TMEM132C: variants seen among roughly 807,000 people sequenced by gnomAD.
TMEM132C encodes the protein transmembrane protein 132C, also known as protein phosphatase 1, regulatory subunit 152.
In TMEM132C, 29 loss-of-function variants were observed where a neutral mutation model predicts 61.4. The ratio of observed to expected loss-of-function variants is 0.47; its 90% CI spans 0.35 to 0.64. The LOEUF is 0.64. Ranked by LOEUF, TMEM132C falls within the 30% of genes least tolerant of loss-of-function variation. TMEM132C has a pLI of 0.00. For synonymous variants in TMEM132C, 656 were observed against 633.1 expected (o/e 1.04, Z -0.54); for missense variants, 1,408 against 1,476.9 (o/e 0.95, Z 0.76).
At chr12:128,587,446 AC>A (rs1875590938) in intron 3 of TMEM132C, among the ~76,000 whole-genome samples, 1 of 152,086 alleles carries the variant, frequency 6.6e-6, no homozygotes, top group South Asian at 2.1e-4. Flanking sequence ...CACCCTCATG[AC>A]CTAATCACCT....
intron 3 of TMEM132C, among the ~76,000 whole-genome samples, chr12:128,611,649 A>G (rs1175347084): frequency 2.0e-5 from 3 of 152,208 alleles, no homozygotes; most frequent in Non-Finnish European, 4.4e-5. Flanking sequence ...ATATGTAGAT[A>G]CTGGAGGGAA....
intron 4 of TMEM132C, among the ~76,000 whole-genome samples, chr12:128,639,567 C>T (rs1467119850): frequency 6.6e-6 from 1 of 152,088 alleles, no homozygotes; most frequent in African/African-American, 2.4e-5. Context: ...AAGAAGGTGA[C>T]AATAAATTGA....
intron 1 of TMEM132C, among the ~76,000 whole-genome samples, chr12:128,296,322 T>C (rs1709702): frequency 0.97 from 148,016 of 152,308 alleles, 71,952 homozygotes; most frequent in East Asian, 1. Context: ...AGAAGTAGGG[T>C]GGTTTCCAGG....
intron 1 of TMEM132C, among the ~76,000 whole-genome samples, chr12:128,372,459 TAA>T (rs1874055508): frequency 2.0e-5 from 3 of 152,102 alleles, no homozygotes; most frequent in African/African-American, 7.2e-5. Context: ...GAAATAAACG[TAA>T]GAGAGAGAAC....
chr12:128,694,754 G>A (rs1174533729), intron 6 of TMEM132C, among the ~76,000 whole-genome samples: 2 of 152,186 alleles, frequency 1.3e-5, no homozygotes, highest in Non-Finnish European at 2.9e-5. Context: ...ACAAGGGGAA[G>A]CTGAAGGCAT....
In TMEM132C at chr12:128,415,302, A is replaced by G. The variant is rs749889835; in HGVS notation, c.656A>G (p.Asp219Gly). ...GGTGCCGGGAGGAAGAAGTCCATGG[A>G]CCAGCCGGAGGGGACCCCTGTGGAG... The part of the protein sequence containing the change: ...TVGAGRKKSM[D>G]QPEGTPVELY... Residue 219 changes from aspartate (D) to glycine (G), a missense_variant, in exon 2 of 9, where the codon GAC (aspartate) becomes GGC (glycine). By Grantham distance (94) the Asp-to-Gly change is moderately conservative. Coordinates refer to ENST00000435159, the MANE Select transcript of TMEM132C (RefSeq NM_001136103.3). This position sits in a 1 kb window ranked among gnomAD's most constrained non-coding sequence, Gnocchi z 5.8. 2 of 1,595,222 alleles carry G rather than the reference A, an allele frequency of 1.3e-6. No homozygotes were observed. The highest frequency in any genetic ancestry group is 1.7e-6 in the Non-Finnish European group (2 of 1,170,510).
rs58823202 is a variant in TMEM132C at position 128,326,796 on chromosome 12, AT to A, written c.85+59319del. On this transcript the variant is annotated intron_variant, in intron 1 of 8. Transcript: ENST00000435159. The surrounding 1 kb of genome is among the most constrained non-coding windows in gnomAD (Gnocchi z 5.6). Reference sequence around the variant, plus strand: ...CACATCTCGTTACCGACTTCACAATATTTTTTTTTTCTTTCTTAACAACGTA... The same window carrying A: ...CACATCTCGTTACCGACTTCACAATATTTTTTTTTCTTTCTTAACAACGTA... Among the ~76,000 whole-genome samples, 51 of 138,686 alleles carry A rather than the reference AT, an allele frequency of 3.7e-4. No individual in the cohort carries two copies. The highest frequency in any genetic ancestry group is 1.6e-3 in the Admixed American group (23 of 14,590). 91.0% of individuals were successfully genotyped at this position (138,686 alleles called of 152,430 possible). A position where few individuals can be genotyped will look rare whatever the true frequency, so the allele number is the denominator to read the frequency against.
intron 1 of TMEM132C, among the ~76,000 whole-genome samples, chr12:128,298,467 G>A (rs1871491426): frequency 6.6e-6 from 1 of 151,982 alleles, no homozygotes; most frequent in African/African-American, 2.4e-5. Context: ...AAATAGTACA[G>A]AGAGCCCCAA....
At chr12:128,427,729 C>T (rs1417464130) in intron 2 of TMEM132C, among the ~76,000 whole-genome samples, 1 of 152,178 alleles carries the variant, frequency 6.6e-6, no homozygotes, top group Non-Finnish European at 1.5e-5. Flanking sequence ...GGCATCCTCA[C>T]CCCCAGCTTG....
rs190479406 is a variant in TMEM132C, at chr12:128,560,527, A to C, written c.1121+16424A>C. ...CAGATTATTCTAATTTCTACATCTT[A>C]GCTTAAATATTCTCCAAGAGGCTAT... is the stretch of plus-strand genomic sequence containing the variant. On this transcript the variant is annotated intron_variant, in intron 3 of 8. Transcript: ENST00000435159. Among the ~76,000 whole-genome samples the C allele has an allele frequency of 1.5e-3, 228 of 152,288 alleles. 2 individuals are homozygous for C. The highest frequency in any genetic ancestry group is 6.8e-3 in the Middle Eastern group (2 of 294).
chr12:128,395,448 C>G (rs1197178657), intron 1 of TMEM132C, among the ~76,000 whole-genome samples: 3 of 152,116 alleles, frequency 2.0e-5, no homozygotes, highest in Non-Finnish European at 2.9e-5. Flanking sequence ...AACACAGATG[C>G]TTCTCTACTT....
At chr12:128,346,268 GT>G (rs1873157147) in intron 1 of TMEM132C, among the ~76,000 whole-genome samples, 4 of 152,206 alleles carry the variant, frequency 2.6e-5, no homozygotes, top group Admixed American at 1.3e-4. Flanking sequence ...CTATATGTCT[GT>G]TTTTGTACCA....
intron 7 of TMEM132C, among the ~76,000 whole-genome samples, chr12:128,696,509 T>C (rs1306035843): frequency 6.6e-6 from 1 of 152,238 alleles, no homozygotes; most frequent in Admixed American, 6.5e-5. Flanking sequence ...ATTTCTTCCT[T>C]CTTTCAGTCA....
intron 4 of TMEM132C, among the ~76,000 whole-genome samples, chr12:128,641,520 G>A (rs1954157682): frequency 6.6e-6 from 1 of 152,208 alleles, no homozygotes; most frequent in Admixed American, 6.5e-5. Context: ...AGAGAGCACT[G>A]TGGGAAGAGG....
intron 4 of TMEM132C, among the ~76,000 whole-genome samples, chr12:128,662,198 C>G (rs572957777): frequency 1.1e-4 from 17 of 152,248 alleles, no homozygotes; most frequent in African/African-American, 4.1e-4. Context: ...CTATTCCTCC[C>G]CCTGCACAGC....
Position 128,415,347 on chromosome 12 carries a change from C to T in TMEM132C, c.701C>T (p.Pro234Leu), listed in dbSNP as rs1333247696. The change falls in exon 2 of 9, where the codon CCA (proline) becomes CTA (leucine). Residue 234 changes from proline to leucine, a missense_variant. Coordinates refer to ENST00000435159, the MANE Select transcript of TMEM132C (RefSeq NM_001136103.3). This position sits in a 1 kb window ranked among gnomAD's most constrained non-coding sequence, Gnocchi z 5.8. ...GTGGAGCTCTACTACACCGTGCACC[C>T]AGGAAACGAGCGAGGGGACTGTGCC... Reference protein sequence around the residue: ...TPVELYYTVHPGNERGDCAGG... With the variant: ...TPVELYYTVHLGNERGDCAGG... 1 of 1,577,550 alleles carries T rather than the reference C, an allele frequency of 6.3e-7. No individual in the cohort carries two copies. The highest frequency in any genetic ancestry group is 8.6e-7 in the Non-Finnish European group (1 of 1,160,118).
intron 5 of TMEM132C, among the ~76,000 whole-genome samples, chr12:128,674,898 A>T (rs1323187588): frequency 6.7e-6 from 1 of 149,108 alleles, no homozygotes; most frequent in East Asian, 2.0e-4. Flanking sequence ...CTCAGAGCTT[A>T]GCTCCCACCG....
At chr12:128,503,353 G>C (rs1285477828) in intron 2 of TMEM132C, among the ~76,000 whole-genome samples, 3 of 152,116 alleles carry the variant, frequency 2.0e-5, no homozygotes, top group Non-Finnish European at 4.4e-5. Context: ...GAGGAGCCGA[G>C]GTTTCTGGTC....
At chr12:128,473,904 GTC>G (rs1404541771) in intron 2 of TMEM132C, among the ~76,000 whole-genome samples, 2 of 152,168 alleles carry the variant, frequency 1.3e-5, no homozygotes, top group African/African-American at 2.4e-5. Flanking sequence ...TCCAAAGAAG[GTC>G]ACATTGACAG....
Sources: allele counts gnomAD v4.1 joint callset (sites outside exome capture counted in the v4.1 genomes callset), GRCh38; gene constraint gnomAD v4.1.1; non-coding constraint Gnocchi (gnomAD v3.1); transcripts MANE v1.5; gene names NCBI Gene and HGNC (gene_info 2026-07-23, HGNC 2026-07-21).